The following DACH2 variants were observed in gnomAD, a reference collection of about 807,000 sequenced individuals.
DACH2 encodes the protein dachshund homolog 2.
Under a neutral mutation model 35.8 loss-of-function variants are expected in DACH2, and 17 were observed. The ratio of observed to expected loss-of-function variants is 0.48; its 90% CI spans 0.33 to 0.71. The LOEUF (loss-of-function observed/expected upper bound fraction) is 0.71. Among genes scored for constraint, DACH2 ranks in the 30% least tolerant of loss-of-function variants. The pLI is 0.02. For synonymous variants in DACH2, 195 were observed against 177.3 expected (o/e 1.10, Z -0.79); for missense variants, 469 against 472.7 (o/e 0.99, Z 0.07).
At chrX:86,556,155 G>A (rs7879417) in intron 3 of DACH2, among the ~76,000 whole-genome samples, 28,182 of 110,212 alleles carry the variant, frequency 0.26, 4,827 homozygotes, top group African/African-American at 0.63. Context: ...AATCCTAGAA[G>A]TACTAGAAAG....
In DACH2 at chrX:86,181,634, C is replaced by T. The variant is rs183009648; in HGVS notation, c.488+32526C>T. The stretch of plus-strand genomic sequence containing the variant: ...AAGTCTTTGCTATTGTGAACAGTGC[C>T]GCAATAAACATACGTGTGCATGTGT... On this transcript the variant is annotated intron_variant, in intron 1 of 11. Transcript: ENST00000373125. Among the ~76,000 whole-genome samples the T allele has an allele frequency of 2.3e-4, 25 of 111,029 alleles. 1 individual carries two copies. The highest frequency in any genetic ancestry group is 6.7e-4 in the Admixed American group (7 of 10,425).
rs778196736 is a variant in DACH2, at chrX:86,417,188, C to A, written c.527+40326C>A. On this transcript the variant is annotated intron_variant, in intron 2 of 11. Transcript: ENST00000373125. ...CCATTACTGTGAGGAAAGTATCAAG[C>A]CTTTCATGAGGAATCTGACCCCATG... Among the ~76,000 whole-genome samples the A allele has an allele frequency of 4.6e-5, 5 of 108,349 alleles. No individual in the cohort carries two copies. In the South Asian group the frequency reaches 1.7e-3, roughly 36 times the overall value. 94.1% of individuals were successfully genotyped at this position (108,349 alleles called of 115,157 possible). A position where few individuals can be genotyped will look rare whatever the true frequency, so the allele number is the denominator to read the frequency against.
At chrX:86,357,696 T>C (rs1404764023) in intron 1 of DACH2, among the ~76,000 whole-genome samples, 3 of 112,382 alleles carry the variant, frequency 2.7e-5, no homozygotes, top group Non-Finnish European at 5.6e-5. Context: ...GTATTACATA[T>C]ATGCTTTCCA....
chrX:86,261,189 C>T (rs1245769081), intron 1 of DACH2, among the ~76,000 whole-genome samples: 2 of 112,107 alleles, frequency 1.8e-5, no homozygotes, highest in Non-Finnish European at 3.8e-5. Flanking sequence ...AATTTTCACA[C>T]TTCTTTACTC....
At chrX:86,476,338 C>G (rs2037843308) in intron 2 of DACH2, among the ~76,000 whole-genome samples, 1 of 111,367 alleles carries the variant, frequency 9.0e-6, no homozygotes, top group Non-Finnish European at 1.9e-5. Flanking sequence ...TTTATTACAG[C>G]TTGTTATTGG....
chrX:86,745,272 T>C (rs1360436471), intron 7 of DACH2, among the ~76,000 whole-genome samples: 1 of 111,720 alleles, frequency 9.0e-6, no homozygotes, highest in African/African-American at 3.2e-5. Context: ...TATTTCTTTT[T>C]CAACTTTTAA....
At chrX:86,383,491 A>G (rs766295415) in intron 2 of DACH2, among the ~76,000 whole-genome samples, 1 of 104,208 alleles carries the variant, frequency 9.6e-6, no homozygotes, top group South Asian at 4.6e-4. Context: ...GCCTTGGCAA[A>G]CGAAACTTGT....
At chrX:86,298,889 T>G (rs1421496499) in intron 1 of DACH2, among the ~76,000 whole-genome samples, 1 of 111,903 alleles carries the variant, frequency 8.9e-6, no homozygotes, top group Non-Finnish European at 1.9e-5. Context: ...TCATAATAGT[T>G]TGAAGAAAAC....
At chrX:86,270,513 G>A (rs1211905171) in intron 1 of DACH2, among the ~76,000 whole-genome samples, 2 of 111,290 alleles carry the variant, frequency 1.8e-5, no homozygotes, top group Non-Finnish European at 3.8e-5. Context: ...AGCACCTCTA[G>A]AAGTCACTTG....
chrX:86,726,748 T>TC (rs2041474029), intron 6 of DACH2, among the ~76,000 whole-genome samples: 1 of 111,998 alleles, frequency 8.9e-6, no homozygotes, highest in Admixed American at 9.4e-5. Flanking sequence ...ATTGATGGGT[T>TC]CTTCTATAAG....
chrX:86,774,060 C>A (rs6617260), intron 7 of DACH2, among the ~76,000 whole-genome samples: 16,278 of 110,824 alleles, frequency 0.15, 1,023 homozygotes, highest in South Asian at 0.41. Flanking sequence ...TGTACAAAGA[C>A]TATGTACCCA....
chrX:86,825,166 G>A (rs1289912578), intron 11 of DACH2, among the ~76,000 whole-genome samples: 1 of 111,757 alleles, frequency 8.9e-6, no homozygotes, highest in African/African-American at 3.3e-5. Context: ...TGTAATCCCA[G>A]CACTTTGGGA....
rs188938837 is a variant in DACH2, at chrX:86,419,912, C to T, written c.527+43050C>T. ...GGAGATATCTTGGTTCAAATTCATGCACTATTTCTTCTAGCTATTGTGACC... is the reference window on the plus strand; with the variant it reads ...GGAGATATCTTGGTTCAAATTCATGTACTATTTCTTCTAGCTATTGTGACC... On this transcript the variant is annotated intron_variant, in intron 2 of 11. Transcript: ENST00000373125. Among the ~76,000 whole-genome samples, 7 of 111,714 alleles carry T rather than the reference C, an allele frequency of 6.3e-5. No individual in the cohort carries two copies. The East Asian group carries it at 2.0e-3, about 32-fold the overall frequency.
chrX:86,163,803 C>T (rs2030849260), intron 1 of DACH2, among the ~76,000 whole-genome samples: 1 of 111,171 alleles, frequency 9.0e-6, no homozygotes, highest in Admixed American at 9.6e-5. Context: ...ATATGTATCA[C>T]TTTTTTTTAA....
intron 7 of DACH2, among the ~76,000 whole-genome samples, chrX:86,808,579 G>A (rs181513010): frequency 9.3e-6 from 1 of 107,925 alleles, no homozygotes; most frequent in Non-Finnish European, 1.9e-5. Flanking sequence ...TGTTGTAATT[G>A]TTCCTCAGTT....
Position 86,196,213 on chromosome X carries a change from C to G in DACH2, c.488+47105C>G, listed in dbSNP as rs138102492. Among the ~76,000 whole-genome samples, 696 of 111,586 alleles carry G rather than the reference C, an allele frequency of 6.2e-3. 4 individuals carry two copies. The highest frequency in any genetic ancestry group is 0.021 in the African/African-American group (632 of 30,697). ...CACAATAAAATGATGCAGGAGCTGA[C>G]AGACAAAATAGGCAGTATAGAAAAG... On this transcript the variant is annotated intron_variant, in intron 1 of 11. Transcript: ENST00000373125.
intron 6 of DACH2, among the ~76,000 whole-genome samples, chrX:86,735,942 T>C (rs2041590186): frequency 9.0e-6 from 1 of 111,631 alleles, no homozygotes; most frequent in Non-Finnish European, 1.9e-5. Flanking sequence ...TGTTCTCATT[T>C]GTAATAAAAC....
intron 2 of DACH2, among the ~76,000 whole-genome samples, chrX:86,490,698 G>C (rs2038082066): frequency 9.0e-6 from 1 of 110,705 alleles, no homozygotes; most frequent in Non-Finnish European, 1.9e-5. Flanking sequence ...TCCTTTATTC[G>C]ATAAGTCTGG....
intron 6 of DACH2, among the ~76,000 whole-genome samples, chrX:86,738,578 T>C (rs1391054309): frequency 8.9e-6 from 1 of 111,813 alleles, no homozygotes; most frequent in African/African-American, 3.2e-5. Flanking sequence ...ATTTATTGCA[T>C]AAGTGCATAA....
Sources: allele counts gnomAD v4.1 joint callset (sites outside exome capture counted in the v4.1 genomes callset), GRCh38; gene constraint gnomAD v4.1.1; transcripts MANE v1.5; gene names NCBI Gene and HGNC (gene_info 2026-07-23, HGNC 2026-07-21).